Variants in GFRA2 observed in about 807,000 individuals in gnomAD.
GFRA2 encodes the protein GDNF family receptor alpha-2.
Under a neutral mutation model 48.3 loss-of-function variants are expected in GFRA2, and 17 were observed. The ratio of observed to expected loss-of-function variants is 0.35; its 90% CI spans 0.24 to 0.53. The LOEUF (loss-of-function observed/expected upper bound fraction) is 0.53, where lower values mean the gene tolerates loss of function less well. Among genes scored for constraint, GFRA2 ranks in the 20% least tolerant of loss-of-function variants. The pLI is 0.93. For synonymous variants in GFRA2, 305 were observed against 257.2 expected (o/e 1.19, Z -1.78); for missense variants, 660 against 637.3 (o/e 1.04, Z -0.38).
chr8:21,769,233 C>T, intron 3 of GFRA2: 1 of 957,840 alleles, frequency 1.0e-6, no homozygotes, highest in Non-Finnish European at 1.2e-6. Flanking sequence ...CCTCCGAAGT[C>T]TGGCCCCAGC....
chr8:21,692,648 C>T lies in GFRA2; in HGVS notation c.*630G>A, dbSNP rs575896370. ...CCCCCAGCCCCAACACTCCGTGCTA[C>T]AGTCAGGGGGAGCCCAGCACGGTGC... On this transcript the variant is annotated 3_prime_UTR_variant, in exon 9 of 9. Coordinates refer to ENST00000524240, the MANE Select transcript of GFRA2 (RefSeq NM_001495.5). 3 of 152,418 alleles carry T rather than the reference C, an allele frequency of 2.0e-5. No homozygotes were observed. Among genetic ancestry groups the T allele is most frequent in the African/African-American group, 4.8e-5 (2 of 41,570 alleles). The allele number at this position is 152,418 out of a possible 1,614,324, so 9.4% of individuals were successfully genotyped here.
chr8:21,700,660 A>G (rs1000230441), intron 7 of GFRA2, among the ~76,000 whole-genome samples: 20 of 152,106 alleles, frequency 1.3e-4, no homozygotes, highest in Admixed American at 1.1e-3. Flanking sequence ...AGGGTCTTTC[A>G]AGTCCTGACA....
rs1197906768 is a variant in GFRA2 at position 21,712,876 on chromosome 8, G to A, written c.795-6835C>T. Among the ~76,000 whole-genome samples the A allele has an allele frequency of 3.3e-5, 5 of 152,248 alleles. No individual in the cohort carries two copies. In the East Asian group the frequency reaches 5.8e-4, roughly 18 times the overall value. Reference sequence around the variant, plus strand: ...ACGAAAACCAGTCAGGCGTGGCGGTGCACGCCTGCAATCGCAGGCACTCGG... The same window carrying A: ...ACGAAAACCAGTCAGGCGTGGCGGTACACGCCTGCAATCGCAGGCACTCGG... On this transcript the variant is annotated intron_variant, in intron 4 of 8. Transcript: ENST00000524240.
intron 4 of GFRA2, among the ~76,000 whole-genome samples, chr8:21,711,576 A>G (rs1585240290): frequency 6.6e-6 from 1 of 152,372 alleles, no homozygotes; most frequent in East Asian, 1.9e-4. Flanking sequence ...AAAGGTTGCC[A>G]TATTAAACGA....
chr8:21,811,772 A>T lies in GFRA2; in HGVS notation c.-148+459T>A, dbSNP rs961031588. On this transcript the variant is annotated intron_variant, in intron 1 of 10. Transcript: ENST00000517328. The stretch of plus-strand genomic sequence containing the variant: ...AACCTCCAGCCCCCTCATTGCAGAG[A>T]AAGGCTTGGCTCTTGTTTTCTTTTA... Among the ~76,000 whole-genome samples, 3 of 147,252 alleles carry T rather than the reference A, an allele frequency of 2.0e-5. No homozygotes were observed. The East Asian group carries it at 6.3e-4, about 31-fold the overall frequency.
intron 3 of GFRA2, among the ~76,000 whole-genome samples, chr8:21,755,381 TA>T (rs1327941116): frequency 6.6e-6 from 1 of 152,024 alleles, no homozygotes; most frequent in Non-Finnish European, 1.5e-5. Flanking sequence ...AAACCACTCT[TA>T]AAAAAATAAG....
upstream of GFRA2, among the ~76,000 whole-genome samples, chr8:21,793,157 T>C (rs949651542): frequency 4.6e-5 from 7 of 152,186 alleles, no homozygotes; most frequent in East Asian, 1.9e-4. Context: ...GAGGGTCCAA[T>C]TGGGGTGCTC....
chr8:21,788,215 A>T lies in GFRA2; in HGVS notation c.-56T>A. The T allele has an allele frequency of 6.3e-7, 1 of 1,589,024 alleles. No individual in the cohort carries two copies. The highest frequency in any genetic ancestry group is 1.8e-5 in the Admixed American group (1 of 57,092). ...TCTCCCTTGGGTAAAAAAAAATAAT[A>T]GTAGTAACAACAACAATAATAATAG... On this transcript the variant is annotated 5_prime_UTR_variant, in exon 1 of 9. Coordinates refer to ENST00000524240, the MANE Select transcript of GFRA2 (RefSeq NM_001495.5).
chr8:21,775,030 G>T lies in GFRA2; in HGVS notation c.381C>A (p.Pro127=). The change falls in exon 3 of 9, where the codon CCC becomes CCA. Residue 127 remains proline (P), a synonymous_variant. Coordinates refer to ENST00000524240, the MANE Select transcript of GFRA2 (RefSeq NM_001495.5). ...AGAGGCGGGAGGTCACCGGCTCATA[G>T]GGGGAGGCTTCGTAGAACTCCTCAC... ...TEGEEFYEAS[P]YEPVTSRLSD... is the part of the protein sequence containing the mutation. The T allele has an allele frequency of 6.2e-7, 1 of 1,600,730 alleles. No individual in the cohort carries two copies. Among genetic ancestry groups the T allele is most frequent in the Non-Finnish European group, 8.6e-7 (1 of 1,168,190 alleles).
intron 4 of GFRA2, among the ~76,000 whole-genome samples, chr8:21,725,330 C>G (rs189340421): frequency 2.2e-3 from 332 of 152,312 alleles, no homozygotes; most frequent in African/African-American, 7.7e-3. Flanking sequence ...CAACAGCATG[C>G]TGAAGGGCCT....
At chr8:21,762,287 G>A (rs1805952866) in intron 3 of GFRA2, among the ~76,000 whole-genome samples, 1 of 152,138 alleles carries the variant, frequency 6.6e-6, no homozygotes, top group African/African-American at 2.4e-5. Context: ...CCCAGGAGCT[G>A]GCAAGACCAA....
At chr8:21,698,888 A>G (rs1254125107) in intron 7 of GFRA2, among the ~76,000 whole-genome samples, 5 of 151,584 alleles carry the variant, frequency 3.3e-5, no homozygotes, top group Non-Finnish European at 7.4e-5. Context: ...CAGCCTGCCC[A>G]CTGCAACCCC....
At chr8:21,802,867 G>A (rs1807795914) in intron 2 of GFRA2, among the ~76,000 whole-genome samples, 1 of 152,182 alleles carries the variant, frequency 6.6e-6, no homozygotes, top group South Asian at 2.1e-4. Flanking sequence ...CTCTTCCCAG[G>A]AGGTACTTCC....
In GFRA2 at chr8:21,706,873, A is replaced by G. The variant is rs1012262356; in HGVS notation, c.795-832T>C. Among the ~76,000 whole-genome samples the G allele has an allele frequency of 1.2e-4, 19 of 152,296 alleles. No individual in the cohort carries two copies. In the South Asian group the frequency reaches 3.9e-3, roughly 32 times the overall value. On this transcript the variant is annotated intron_variant, in intron 4 of 8. Transcript: ENST00000524240. ...ACCTAGACATGGAAGGTTCCATGGA[A>G]CATGGGGAATCCAAGTCTAATATGC...
At chr8:21,721,722 C>T (rs529477835) in intron 4 of GFRA2, among the ~76,000 whole-genome samples, 25 of 152,312 alleles carry the variant, frequency 1.6e-4, no homozygotes, top group Admixed American at 2.6e-4. Context: ...TCCTCTTCAG[C>T]TTTCAGCACA....
chr8:21,771,611 C>T (rs928172190), intron 3 of GFRA2, among the ~76,000 whole-genome samples: 2 of 152,152 alleles, frequency 1.3e-5, no homozygotes, highest in African/African-American at 2.4e-5. Context: ...AATCCCAGTA[C>T]GACTTTCCGA....
At chr8:21,701,774 A>G (rs1415561973) in intron 7 of GFRA2, among the ~76,000 whole-genome samples, 4 of 152,206 alleles carry the variant, frequency 2.6e-5, no homozygotes, top group African/African-American at 4.8e-5. Context: ...GGCTGGGGCT[A>G]CAAGAAACCA....
chr8:21,698,791 G>C (rs1015230991), intron 7 of GFRA2, among the ~76,000 whole-genome samples: 4 of 150,792 alleles, frequency 2.7e-5, no homozygotes, highest in African/African-American at 7.3e-5. Context: ...CAGTATAGTA[G>C]ACCCCCACTC....
chr8:21,732,461 G>T (rs1359778011), intron 4 of GFRA2, among the ~76,000 whole-genome samples: 1 of 152,200 alleles, frequency 6.6e-6, no homozygotes, highest in Non-Finnish European at 1.5e-5. Flanking sequence ...GGAGAGGGGA[G>T]GGGGGTATCT....
Sources: gnomAD v4.1 joint callset for allele counts (sites outside exome capture counted in the v4.1 genomes callset) on GRCh38, gnomAD v4.1.1 for gene constraint, MANE v1.5 for transcripts, NCBI Gene and HGNC (gene_info 2026-07-23, HGNC 2026-07-21) for gene names.